Variants in PTPRG observed in about 807,000 individuals in gnomAD.
PTPRG encodes receptor-type tyrosine-protein phosphatase gamma.
PTPRG carries 102 observed loss-of-function variants against 165.3 expected under a neutral mutation model. The ratio of observed to expected loss-of-function variants is 0.62; its 90% CI spans 0.53 to 0.73. The LOEUF is 0.73. PTPRG is among the 30% of genes least tolerant of loss of function. PTPRG has a pLI of 0.00. For synonymous variants in PTPRG, 675 were observed against 669.5 expected (o/e 1.01, Z -0.13); for missense variants, 1,866 against 1,861.4 (o/e 1.00, Z -0.05).
intron 2 of PTPRG, among the ~76,000 whole-genome samples, chr3:61,836,046 C>T (rs1438624214): frequency 9.0e-6 from 1 of 110,884 alleles, no homozygotes; most frequent in Non-Finnish European, 1.8e-5. Flanking sequence ...GTCTCACCCC[C>T]CGCGCCCCCC....
At chr3:61,731,667 C>CT (rs1029335411) in intron 1 of PTPRG, among the ~76,000 whole-genome samples, 5 of 151,930 alleles carry the variant, frequency 3.3e-5, no homozygotes, top group African/African-American at 1.2e-4. Context: ...TTTCACAGTG[C>CT]TATGCAGGGC....
At chr3:62,176,343 G>C (rs1705423120) in intron 8 of PTPRG, among the ~76,000 whole-genome samples, 1 of 152,148 alleles carries the variant, frequency 6.6e-6, no homozygotes. Context: ...GAGAGGGTAA[G>C]TGAATCATCC....
At chr3:61,564,400 G>C (rs1352001821) in intron 1 of PTPRG, among the ~76,000 whole-genome samples, 3 of 152,114 alleles carry the variant, frequency 2.0e-5, no homozygotes, top group Non-Finnish European at 2.9e-5. Context: ...TCTTTTCCCT[G>C]GTGTGTGAGG....
chr3:61,860,579 TAC>T (rs1488694922), intron 2 of PTPRG, among the ~76,000 whole-genome samples: 1 of 151,796 alleles, frequency 6.6e-6, no homozygotes, highest in Non-Finnish European at 1.5e-5. Context: ...TAGATGGGAT[TAC>T]AGGCACGCAC....
intron 1 of PTPRG, among the ~76,000 whole-genome samples, chr3:61,684,222 G>A (rs573318881): frequency 1.3e-5 from 2 of 152,308 alleles, no homozygotes; most frequent in South Asian, 4.1e-4. Context: ...CTATGGGAGT[G>A]TATATGCTGG....
At chr3:62,157,791 G>T (rs942529759) in intron 7 of PTPRG, among the ~76,000 whole-genome samples, 2 of 152,204 alleles carry the variant, frequency 1.3e-5, no homozygotes, top group African/African-American at 4.8e-5. Context: ...AAAAGAAAGA[G>T]ATTTGTGGAC....
chr3:61,624,192 G>A (rs772197169), intron 1 of PTPRG, among the ~76,000 whole-genome samples: 9 of 152,082 alleles, frequency 5.9e-5, no homozygotes, highest in Non-Finnish European at 8.8e-5. Flanking sequence ...TTTAAATCCC[G>A]ACTCTACCAC....
intron 8 of PTPRG, among the ~76,000 whole-genome samples, chr3:62,176,274 G>A (rs1055707865): frequency 2.0e-5 from 3 of 152,266 alleles, no homozygotes; most frequent in Admixed American, 1.3e-4. Flanking sequence ...GGTAGGGTGA[G>A]CAAAGTGAGA....
intron 1 of PTPRG, among the ~76,000 whole-genome samples, chr3:61,565,475 A>T (rs1189753325): frequency 2.0e-5 from 3 of 152,094 alleles, no homozygotes; most frequent in Admixed American, 1.3e-4. Flanking sequence ...TTTTAAAGCA[A>T]ATCCTACACA....
At chr3:61,932,490 G>A (rs777324833) in intron 2 of PTPRG, among the ~76,000 whole-genome samples, 14 of 152,206 alleles carry the variant, frequency 9.2e-5, no homozygotes, top group Admixed American at 8.5e-4. Context: ...TTTGACACTA[G>A]CCTTTAAAAG....
intron 2 of PTPRG, among the ~76,000 whole-genome samples, chr3:61,889,161 T>A (rs907341121): frequency 3.9e-5 from 6 of 152,216 alleles, no homozygotes; most frequent in African/African-American, 1.4e-4. Flanking sequence ...ACTTTGATAA[T>A]TGTTGCTATT....
At chr3:61,831,461 C>A (rs768776361) in intron 2 of PTPRG, among the ~76,000 whole-genome samples, 10 of 152,146 alleles carry the variant, frequency 6.6e-5, no homozygotes, top group Admixed American at 5.9e-4. Flanking sequence ...GCAGGTGACA[C>A]CTGTTTTTTT....
intron 1 of PTPRG, among the ~76,000 whole-genome samples, chr3:61,606,558 A>C (rs933038042): frequency 6.6e-6 from 1 of 152,246 alleles, no homozygotes; most frequent in African/African-American, 2.4e-5. Context: ...ATGTCAGTCC[A>C]TGTATGTTGT....
intron 2 of PTPRG, among the ~76,000 whole-genome samples, chr3:61,762,994 G>T (rs1035516050): frequency 6.6e-6 from 1 of 152,110 alleles, no homozygotes; most frequent in African/African-American, 2.4e-5. Flanking sequence ...AAGGGAACGT[G>T]TCCCTTTCTT....
At position 62,277,680 on chromosome 3, in the gene PTPRG, GT is replaced by G. The variant is rs756005106; in HGVS notation, c.3765+2del. On this transcript the variant is annotated splice_donor_variant, in intron 26 of 29. Coordinates refer to ENST00000474889, the MANE Select transcript of PTPRG (RefSeq NM_002841.4). LOFTEE classifies it high-confidence loss of function. ...CATGCTGCCAGACAACCAGAGCTTG[GT>G]AAGTAAAGCACATCTGCTATATATT... The G allele has an allele frequency of 3.1e-6, 5 of 1,611,856 alleles. No individual in the cohort carries two copies. The highest frequency in any genetic ancestry group is 4.2e-6 in the Non-Finnish European group (5 of 1,179,064).
chr3:62,260,560 CT>C (rs925824059), intron 16 of PTPRG, among the ~76,000 whole-genome samples: 3 of 152,112 alleles, frequency 2.0e-5, no homozygotes, highest in African/African-American at 7.2e-5. Context: ...TCAAACTGTT[CT>C]TTTTGAGAAT....
chr3:61,930,415 CCT>C (rs1275648041), intron 2 of PTPRG, among the ~76,000 whole-genome samples: 1 of 152,182 alleles, frequency 6.6e-6, no homozygotes, highest in Non-Finnish European at 1.5e-5. Flanking sequence ...TCCGTCTCCC[CCT>C]GTCTTCTCAG....
intron 6 of PTPRG, among the ~76,000 whole-genome samples, chr3:62,149,919 C>G (rs972246672): frequency 2.6e-5 from 4 of 152,190 alleles, no homozygotes; most frequent in Admixed American, 1.3e-4. Flanking sequence ...TGTTTTCCCT[C>G]CTGCTTACTT....
chr3:61,955,438 A>G (rs577353453), intron 2 of PTPRG, among the ~76,000 whole-genome samples: 2 of 152,244 alleles, frequency 1.3e-5, no homozygotes, highest in African/African-American at 4.8e-5. Flanking sequence ...CTGCAATGCT[A>G]TGCTATCTCA....
Sources: gnomAD v4.1 joint callset for allele counts (sites outside exome capture counted in the v4.1 genomes callset) on GRCh38, gnomAD v4.1.1 for gene constraint, MANE v1.5 for transcripts, NCBI Gene and HGNC (gene_info 2026-07-23, HGNC 2026-07-21) for gene names.